PTCHD4: variants seen among roughly 807,000 people sequenced by gnomAD.
PTCHD4 encodes patched domain containing 4, also known as patched domain-containing protein 4.
Under a neutral mutation model 58.1 loss-of-function variants are expected in PTCHD4, and 33 were observed. The observed-to-expected ratio is 0.57, with a 90% CI of 0.43 to 0.76. The LOEUF is 0.76. PTCHD4 is among the 30% of genes least tolerant of loss of function. The probability of loss-of-function intolerance (pLI) is 0.00; values close to 1 mark genes in which losing one functional copy is unlikely to be tolerated. For missense variants in PTCHD4, 1,058 were observed against 1,027.1 expected, an observed-to-expected ratio of 1.03 and a Z score of -0.41; for synonymous variants, 478 against 409.6, an observed-to-expected ratio of 1.17 and a Z score of -2.02.
At chr6:48,103,012 G>A (rs1256021518) in intron 1 of PTCHD4, among the ~76,000 whole-genome samples, 3 of 152,200 alleles carry the variant, frequency 2.0e-5, no homozygotes, top group Admixed American at 6.5e-5. Flanking sequence ...GCCTCTGTAG[G>A]CTCCACCTCT....
intron 4 of PTCHD4, among the ~76,000 whole-genome samples, chr6:47,911,708 A>T (rs993550778): frequency 1.4e-4 from 21 of 152,078 alleles, no homozygotes; most frequent in African/African-American, 3.4e-4. Context: ...TAAATTTGAG[A>T]TGACCGGTAG....
intron 1 of PTCHD4, among the ~76,000 whole-genome samples, chr6:48,074,621 CAGCCTCCTCTCTG>C (rs1765028622): frequency 6.6e-6 from 1 of 152,192 alleles, no homozygotes; most frequent in African/African-American, 2.4e-5. Context: ...GGAATGGGGC[CAGCCTCCTCTCTG>C]AGCACATTGT....
At chr6:47,898,943 C>T (rs115802968) in intron 4 of PTCHD4, among the ~76,000 whole-genome samples, 1,863 of 152,282 alleles carry the variant, frequency 0.012, 43 homozygotes, top group African/African-American at 0.043. Flanking sequence ...AGGGGTCATG[C>T]TCTCCCTGGA....
At chr6:47,958,841 T>C (rs1466870852) in intron 4 of PTCHD4, among the ~76,000 whole-genome samples, 1 of 152,188 alleles carries the variant, frequency 6.6e-6, no homozygotes, top group African/African-American at 2.4e-5. Context: ...TAGTGGGGCA[T>C]TGGTACTATG....
chr6:48,059,634 T>TCAAA (rs146823585), intron 3 of PTCHD4, among the ~76,000 whole-genome samples: 18,383 of 151,456 alleles, frequency 0.12, 1,265 homozygotes, highest in African/African-American at 0.19. Context: ...TGAGACTGTC[T>TCAAA]CAAACAAACA....
chr6:48,063,429 C>T (rs1764698498), intron 3 of PTCHD4, among the ~76,000 whole-genome samples: 1 of 152,108 alleles, frequency 6.6e-6, no homozygotes, highest in Admixed American at 6.5e-5. Flanking sequence ...TAGAGCCCTA[C>T]TTCTTTCTTA....
At chr6:48,010,940 G>A (rs1762646522) in intron 3 of PTCHD4, among the ~76,000 whole-genome samples, 1 of 152,096 alleles carries the variant, frequency 6.6e-6, no homozygotes, top group African/African-American at 2.4e-5. Flanking sequence ...AGTATTCCAG[G>A]GTGTATATGT....
At chr6:47,896,349 C>T (rs796555815) in intron 4 of PTCHD4, among the ~76,000 whole-genome samples, 55 of 152,276 alleles carry the variant, frequency 3.6e-4, no homozygotes, top group African/African-American at 1.3e-3. Context: ...GCAGAGTATC[C>T]TAACAATTCT....
chr6:48,039,788 C>T (rs996918961), intron 3 of PTCHD4, among the ~76,000 whole-genome samples: 3 of 151,996 alleles, frequency 2.0e-5, no homozygotes, highest in Non-Finnish European at 4.4e-5. Context: ...GTCTCTGTCC[C>T]CAACCTTGTT....
chr6:48,095,794 T>C (rs925642570), intron 1 of PTCHD4, among the ~76,000 whole-genome samples: 1 of 151,570 alleles, frequency 6.6e-6, no homozygotes, highest in African/African-American at 2.4e-5. Context: ...TGAGTGAAAT[T>C]CATTGGTAGA....
intron 3 of PTCHD4, among the ~76,000 whole-genome samples, chr6:48,037,780 G>A (rs1270809759): frequency 6.6e-6 from 1 of 151,868 alleles, no homozygotes; most frequent in East Asian, 1.9e-4. Flanking sequence ...TCTCCAATGA[G>A]CTTAACTTTT....
Position 47,879,348 on chromosome 6 carries a change from G to A in PTCHD4, c.1487C>T (p.Ser496Leu). 1.2e-6 allele frequency: 2 copies of A among 1,613,338 alleles called. No homozygotes were observed. Among genetic ancestry groups the A allele is most frequent in the Non-Finnish European group, 1.7e-6 (2 of 1,179,622 alleles). ...ANIINLLASD[S>L]PSVSYAMVQQ... is the part of the protein sequence containing the mutation. ...AACCATGGCATAGGAAACACTTGGC[G>A]AATCACTGGCTAGTAGATTGATGAT... The change falls in exon 5 of 5, where the codon TCG becomes TTG. Residue 496 changes from serine (S) to leucine (L), a missense_variant. Coordinates refer to ENST00000339488, the MANE Select transcript of PTCHD4 (RefSeq NM_001384253.1).
chr6:48,014,968 C>T (rs1404600826), intron 3 of PTCHD4, among the ~76,000 whole-genome samples: 1 of 152,046 alleles, frequency 6.6e-6, no homozygotes, highest in Non-Finnish European at 1.5e-5. Flanking sequence ...ACTTGCAGAC[C>T]CCCTTTTCCA....
intron 3 of PTCHD4, among the ~76,000 whole-genome samples, chr6:48,067,142 T>C (rs1047592719): frequency 2.6e-5 from 4 of 152,180 alleles, no homozygotes; most frequent in Admixed American, 6.5e-5. Flanking sequence ...AGACAAATGG[T>C]GCAGTGACTC....
chr6:47,970,157 C>G (rs1176574762), intron 4 of PTCHD4, among the ~76,000 whole-genome samples: 1 of 152,014 alleles, frequency 6.6e-6, no homozygotes, highest in Non-Finnish European at 1.5e-5. Flanking sequence ...AAGGGAAAAA[C>G]AAGAAGAGAA....
intron 4 of PTCHD4, among the ~76,000 whole-genome samples, chr6:47,917,520 A>G (rs1765299027): frequency 2.0e-5 from 3 of 152,284 alleles, no homozygotes; most frequent in African/African-American, 7.2e-5. Flanking sequence ...TGTTTTCTTT[A>G]CTATTCCTTC....
chr6:48,071,882 C>G (rs1764981218), intron 1 of PTCHD4, among the ~76,000 whole-genome samples: 1 of 152,074 alleles, frequency 6.6e-6, no homozygotes, highest in Non-Finnish European at 1.5e-5. Context: ...TGGAATATTC[C>G]TCAATTGGGA....
At chr6:48,004,707 A>G (rs1406547569) in intron 4 of PTCHD4, among the ~76,000 whole-genome samples, 3 of 152,186 alleles carry the variant, frequency 2.0e-5, no homozygotes, top group Non-Finnish European at 4.4e-5. Flanking sequence ...ACCTGAGGTC[A>G]GGAGTTTGAG....
Position 47,878,477 on chromosome 6 carries a change from C to T in PTCHD4, c.2358G>A (p.Leu786=), listed in dbSNP as rs779562393. The T allele has an allele frequency of 3.8e-5, 61 of 1,613,318 alleles. No individual in the cohort carries two copies. The Admixed American group carries it at 8.2e-4, about 22-fold the overall frequency. The part of the protein sequence containing the change: ...NLTFTLFKCL[L]LTGGCTLLHC... ...GCAGAAGTGTGCAACCCCCAGTGAGCAGCAAGCATTTGAACAGTGTGAAGG... is the reference window on the plus strand; with the variant it reads ...GCAGAAGTGTGCAACCCCCAGTGAGTAGCAAGCATTTGAACAGTGTGAAGG... The change falls in exon 5 of 5, where the codon CTG becomes CTA. Residue 786 remains leucine, a synonymous_variant. Transcript: ENST00000339488.
Sources: allele counts gnomAD v4.1 joint callset (sites outside exome capture counted in the v4.1 genomes callset), GRCh38; gene constraint gnomAD v4.1.1; transcripts MANE v1.5; gene names NCBI Gene and HGNC (gene_info 2026-07-23, HGNC 2026-07-21).